IGSF11: variants seen among roughly 807,000 people sequenced by gnomAD.
IGSF11 encodes immunoglobulin superfamily member 11, also known as CXADR like 1.
Under a neutral mutation model 41.0 loss-of-function variants are expected in IGSF11, and 22 were observed. That is an observed-to-expected ratio of 0.54 (90% CI 0.38 to 0.77). IGSF11 has a LOEUF of 0.77. Ranked by LOEUF, IGSF11 falls within the 30% of genes least tolerant of loss-of-function variation. The probability of loss-of-function intolerance (pLI) is 0.00; values close to 1 mark genes in which losing one functional copy is unlikely to be tolerated. For synonymous variants in IGSF11, 219 were observed against 201.3 expected, an observed-to-expected ratio of 1.09 and a Z score of -0.74; for missense variants, 444 against 530.8, an observed-to-expected ratio of 0.84 and a Z score of 1.61.
intron 1 of IGSF11, among the ~76,000 whole-genome samples, chr3:119,001,467 C>CT (rs113963134): frequency 0.029 from 3,772 of 130,550 alleles, 128 homozygotes; most frequent in African/African-American, 0.091. Context: ...CCCAGGTTTT[C>CT]TTTTTTTTTT....
chr3:118,924,345 T>C (rs765579345), intron 4 of IGSF11, among the ~76,000 whole-genome samples: 6 of 152,038 alleles, frequency 3.9e-5, no homozygotes, highest in Admixed American at 2.0e-4. Flanking sequence ...GAGTTTATAT[T>C]AATAATTTTA....
At chr3:118,960,595 A>G (rs1945275674) in intron 1 of IGSF11, among the ~76,000 whole-genome samples, 1 of 152,164 alleles carries the variant, frequency 6.6e-6, no homozygotes, top group African/African-American at 2.4e-5. Context: ...CAACATATAC[A>G]ATTTATTTCA....
In IGSF11 at chr3:119,004,691, T is replaced by C. The variant is rs566218986; in HGVS notation, c.52+29840A>G. 1.9e-3 allele frequency among the ~76,000 whole-genome samples: 283 copies of C among 148,784 alleles called. 2 individuals carry two copies. Among genetic ancestry groups the C allele is most frequent in the Non-Finnish European group, 3.1e-3 (212 of 67,556 alleles). On this transcript the variant is annotated intron_variant, in intron 1 of 6. Coordinates refer to ENST00000393775, the MANE Select transcript of IGSF11 (RefSeq NM_001015887.3). ...TTGTTCTCGTTGGTTTCAAAGAACA[T>C]CTTTATTTCTGCCTTCATTTCGTTA...
At chr3:119,066,740 C>T (rs968621307) in intron 1 of IGSF11, among the ~76,000 whole-genome samples, 1 of 152,132 alleles carries the variant, frequency 6.6e-6, no homozygotes, top group Non-Finnish European at 1.5e-5. Context: ...TTTGTTCTTT[C>T]GATCCTTTTG....
intron 1 of IGSF11, among the ~76,000 whole-genome samples, chr3:119,056,444 G>A (rs1347601988): frequency 1.3e-5 from 2 of 152,170 alleles, no homozygotes; most frequent in African/African-American, 2.4e-5. Flanking sequence ...TCTCTGAATA[G>A]ACCAATAACA....
intron 4 of IGSF11, among the ~76,000 whole-genome samples, chr3:118,913,432 A>G (rs6766405): frequency 0.055 from 8,447 of 152,322 alleles, 753 homozygotes; most frequent in African/African-American, 0.19. Context: ...CAAAGGAAGG[A>G]AAACACAAAT....
intron 2 of IGSF11, 40 bp from the exon 3 acceptor site, chr3:118,928,756 C>T: frequency 1.4e-6 from 2 of 1,442,240 alleles, no homozygotes; most frequent in South Asian, 1.2e-5. Flanking sequence ...GCCACTCTAT[C>T]CTCTCCTAGA....
At chr3:118,904,849 G>A (rs1939380509) in intron 5 of IGSF11, 51 bp from the exon 6 acceptor site, 1 of 1,453,154 alleles carries the variant, frequency 6.9e-7, no homozygotes, top group Non-Finnish European at 9.4e-7. Flanking sequence ...GAGAGAAATA[G>A]CATATACCCA....
intron 1 of IGSF11, among the ~76,000 whole-genome samples, chr3:119,113,899 A>G (rs1218491888): frequency 2.6e-5 from 4 of 152,180 alleles, no homozygotes; most frequent in African/African-American, 9.7e-5. Flanking sequence ...CCAAGCCTCA[A>G]CTCTTAGCCT....
chr3:119,138,026 T>C (rs912524666), intron 1 of IGSF11, among the ~76,000 whole-genome samples: 7 of 152,062 alleles, frequency 4.6e-5, no homozygotes, highest in African/African-American at 1.7e-4. Flanking sequence ...TCACCCCAGT[T>C]AAAATGGTTT....
intron 1 of IGSF11, among the ~76,000 whole-genome samples, chr3:119,054,977 A>G (rs1941768148): frequency 6.6e-6 from 1 of 152,156 alleles, no homozygotes; most frequent in African/African-American, 2.4e-5. Context: ...CTCTGAGACA[A>G]AACTTTCAGA....
At chr3:118,926,064 A>T in intron 4 of IGSF11, 37 bp downstream of exon 4, 1 of 1,392,970 alleles carries the variant, frequency 7.2e-7, no homozygotes, top group Non-Finnish European at 9.6e-7. Context: ...ATTGTCCATG[A>T]TAACTAATAA....
chr3:118,951,559 A>G, intron 1 of IGSF11, among the ~76,000 whole-genome samples: 1 of 152,302 alleles, frequency 6.6e-6, no homozygotes, highest in Middle Eastern at 3.4e-3. Flanking sequence ...TTTAAAAATA[A>G]TAATAGACTA....
intron 1 of IGSF11, among the ~76,000 whole-genome samples, chr3:118,961,888 G>T (rs1945361832): frequency 6.6e-6 from 1 of 152,224 alleles, no homozygotes; most frequent in African/African-American, 2.4e-5. Context: ...TTTAGCAATA[G>T]CTACGTAATA....
At chr3:119,069,265 A>G (rs1182542068) in intron 1 of IGSF11, among the ~76,000 whole-genome samples, 1 of 152,116 alleles carries the variant, frequency 6.6e-6, no homozygotes, top group Non-Finnish European at 1.5e-5. Context: ...TAGAGAGGAG[A>G]GACAACATGC....
intron 1 of IGSF11, among the ~76,000 whole-genome samples, chr3:119,118,177 G>A (rs1363714622): frequency 2.0e-5 from 3 of 152,346 alleles, no homozygotes; most frequent in South Asian, 4.1e-4. Context: ...TAGGGACTCT[G>A]TGTGGAGGCT....
At chr3:118,903,528 C>T (rs939704446) in intron 6 of IGSF11, among the ~76,000 whole-genome samples, 3 of 151,912 alleles carry the variant, frequency 2.0e-5, no homozygotes, top group Non-Finnish European at 1.5e-5. Context: ...ATTGTATTAC[C>T]CTTTGGAGTT....
At chr3:119,088,951 A>G (rs1027942147) in intron 1 of IGSF11, among the ~76,000 whole-genome samples, 3 of 152,178 alleles carry the variant, frequency 2.0e-5, no homozygotes, top group African/African-American at 7.2e-5. Flanking sequence ...ATCAATAATA[A>G]GGAACCTACC....
At chr3:118,987,202 T>G (rs147448200) in intron 1 of IGSF11, among the ~76,000 whole-genome samples, 1 of 152,304 alleles carries the variant, frequency 6.6e-6, no homozygotes, top group African/African-American at 2.4e-5. Flanking sequence ...AAGGCTCAGC[T>G]CTGCGAATGG....
Sources: allele counts gnomAD v4.1 joint callset (sites outside exome capture counted in the v4.1 genomes callset), GRCh38; gene constraint gnomAD v4.1.1; transcripts MANE v1.5; gene names NCBI Gene and HGNC (gene_info 2026-07-23, HGNC 2026-07-21).